The following SGCZ variants were observed in gnomAD, a reference collection of about 807,000 sequenced individuals.
SGCZ encodes the protein sarcoglycan zeta, also known as zeta-sarcoglycan.
SGCZ carries 40 observed loss-of-function variants against 41.3 expected under a neutral mutation model. The observed-to-expected ratio is 0.97, with a 90% CI of 0.75 to 1.26. The LOEUF (loss-of-function observed/expected upper bound fraction) is 1.26. SGCZ is among the 50% of genes most tolerant of loss of function. SGCZ has a pLI of 0.00. For missense variants in SGCZ, 552 were observed against 369.8 expected, an observed-to-expected ratio of 1.49 and a Z score of -4.04; for synonymous variants, 206 against 137.5, an observed-to-expected ratio of 1.50 and a Z score of -3.49.
At chr8:14,996,762 T>C (rs924060095) in intron 1 of SGCZ, among the ~76,000 whole-genome samples, 3 of 152,226 alleles carry the variant, frequency 2.0e-5, no homozygotes, top group East Asian at 1.9e-4. Flanking sequence ...GGCCACAGCA[T>C]TGACATTTGG....
chr8:14,476,169 GT>G (rs1801353895), intron 2 of SGCZ, among the ~76,000 whole-genome samples: 1 of 152,096 alleles, frequency 6.6e-6, no homozygotes, highest in South Asian at 2.1e-4. Context: ...ATTTCTGGGA[GT>G]TTTTGTGAGA....
At chr8:14,841,223 C>G (rs1802897102) in intron 1 of SGCZ, among the ~76,000 whole-genome samples, 1 of 152,170 alleles carries the variant, frequency 6.6e-6, no homozygotes, top group Admixed American at 6.6e-5. Context: ...GCTGTATCAA[C>G]CATCAAATGT....
intron 1 of SGCZ, among the ~76,000 whole-genome samples, chr8:14,609,156 G>A (rs941131679): frequency 6.6e-6 from 1 of 152,044 alleles, no homozygotes; most frequent in African/African-American, 2.4e-5. Flanking sequence ...GTTGTCTTTA[G>A]CTAAACATAG....
At chr8:14,098,587 A>G (rs985419967) in intron 7 of SGCZ, among the ~76,000 whole-genome samples, 1 of 152,204 alleles carries the variant, frequency 6.6e-6, no homozygotes, top group Non-Finnish European at 1.5e-5. Flanking sequence ...TGAAAATGCC[A>G]AAAGTATTCT....
At chr8:14,510,962 G>T (rs1802449829) in intron 2 of SGCZ, among the ~76,000 whole-genome samples, 1 of 151,982 alleles carries the variant, frequency 6.6e-6, no homozygotes, top group Non-Finnish European at 1.5e-5. Context: ...ACTTCAGCTG[G>T]TACCCAACTC....
chr8:14,714,031 G>C (rs1228842157), intron 1 of SGCZ, among the ~76,000 whole-genome samples: 1 of 152,006 alleles, frequency 6.6e-6, no homozygotes, highest in Non-Finnish European at 1.5e-5. Context: ...GCAATGGTGC[G>C]ATCTCAGCTC....
intron 1 of SGCZ, among the ~76,000 whole-genome samples, chr8:15,107,309 G>A (rs1239202607): frequency 2.0e-5 from 3 of 152,186 alleles, no homozygotes; most frequent in Non-Finnish European, 4.4e-5. Flanking sequence ...CAAAACTTAT[G>A]TTGCAATATA....
chr8:14,711,510 G>A (rs921154055), intron 1 of SGCZ, among the ~76,000 whole-genome samples: 7 of 149,142 alleles, frequency 4.7e-5, no homozygotes, highest in African/African-American at 1.7e-4. Context: ...GCTGACGCAG[G>A]AGAATTGCTT....
At position 14,632,711 on chromosome 8, in the gene SGCZ, A is replaced by T. The variant is rs545621072; in HGVS notation, c.40-77785T>A. On this transcript the variant is annotated intron_variant, in intron 1 of 7. Coordinates refer to ENST00000382080, the MANE Select transcript of SGCZ (RefSeq NM_139167.4). ...ACAATTCATCTGAAATCAGGAGATT[A>T]GTCCAAGTGAAACTTGATTTGCTTT... Among the ~76,000 whole-genome samples the T allele has an allele frequency of 2.6e-5, 4 of 152,240 alleles. No homozygotes were observed. The South Asian group carries it at 8.3e-4, about 32-fold the overall frequency.
At chr8:14,345,177 G>C (rs1376545649) in intron 2 of SGCZ, among the ~76,000 whole-genome samples, 1 of 152,006 alleles carries the variant, frequency 6.6e-6, no homozygotes, top group Admixed American at 6.6e-5. Flanking sequence ...CTTATGAAAA[G>C]GTGGTTAACC....
intron 5 of SGCZ, among the ~76,000 whole-genome samples, chr8:14,126,092 C>G (rs904588395): frequency 6.6e-6 from 1 of 152,080 alleles, no homozygotes; most frequent in Non-Finnish European, 1.5e-5. Flanking sequence ...GGTGACATAG[C>G]CAAAAGCAAT....
At chr8:14,223,410 T>C (rs947743801) in intron 4 of SGCZ, among the ~76,000 whole-genome samples, 1 of 152,196 alleles carries the variant, frequency 6.6e-6, no homozygotes, top group Non-Finnish European at 1.5e-5. Flanking sequence ...TAAAGACATA[T>C]ACTATAGAGT....
intron 1 of SGCZ, among the ~76,000 whole-genome samples, chr8:14,691,826 T>C (rs1808808243): frequency 6.6e-6 from 1 of 151,952 alleles, no homozygotes; most frequent in Admixed American, 6.6e-5. Context: ...AAACTTAATA[T>C]AAGAAAACAA....
intron 1 of SGCZ, among the ~76,000 whole-genome samples, chr8:15,198,183 G>A (rs1000453453): frequency 4.8e-4 from 73 of 151,602 alleles, no homozygotes; most frequent in Non-Finnish European, 1.5e-5. Flanking sequence ...TGTTGAGTAG[G>A]CTGATTAAAA....
chr8:14,779,783 T>C (rs1044671735), intron 1 of SGCZ, among the ~76,000 whole-genome samples: 4 of 152,266 alleles, frequency 2.6e-5, no homozygotes, highest in African/African-American at 9.6e-5. Flanking sequence ...TATAAATAAA[T>C]GAAAGTTATT....
chr8:14,262,819 G>GAA (rs576967089), intron 3 of SGCZ, among the ~76,000 whole-genome samples: 21 of 120,608 alleles, frequency 1.7e-4, no homozygotes, highest in African/African-American at 6.0e-4. Flanking sequence ...AATACTTCAA[G>GAA]AAAAAAAAAA....
chr8:14,639,641 A>G (rs1415695608), intron 1 of SGCZ, among the ~76,000 whole-genome samples: 2 of 151,746 alleles, frequency 1.3e-5, no homozygotes, highest in African/African-American at 2.4e-5. Flanking sequence ...TTTTAAAATT[A>G]CTTATTATCC....
At position 14,198,394 on chromosome 8, in the gene SGCZ, G is replaced by A. The variant is rs994060458; in HGVS notation, c.425-33692C>T. On this transcript the variant is annotated intron_variant, in intron 4 of 7. Transcript: ENST00000382080. ...GGTTCTGCCAAAGAGAGGTGTTAAAGTGCTTATTTTAAGTCAAAAAAGGAA... is the reference window on the plus strand; with the variant it reads ...GGTTCTGCCAAAGAGAGGTGTTAAAATGCTTATTTTAAGTCAAAAAAGGAA... 5.3e-5 allele frequency among the ~76,000 whole-genome samples: 8 copies of A among 152,150 alleles called. No homozygotes were observed. In the South Asian group the frequency reaches 1.2e-3, roughly 24 times the overall value.
intron 1 of SGCZ, among the ~76,000 whole-genome samples, chr8:14,747,084 T>A (rs1414749913): frequency 6.6e-6 from 1 of 152,192 alleles, no homozygotes; most frequent in Admixed American, 6.5e-5. Flanking sequence ...GCTATTTCAA[T>A]TGGGGTAAGA....
Sources: gnomAD v4.1 joint callset for allele counts (sites outside exome capture counted in the v4.1 genomes callset) on GRCh38, gnomAD v4.1.1 for gene constraint, MANE v1.5 for transcripts, NCBI Gene and HGNC (gene_info 2026-07-23, HGNC 2026-07-21) for gene names.